Variants in AP1S3 observed in about 807,000 individuals in gnomAD.
AP1S3 encodes the protein AP-1 complex subunit sigma-3.
Under a neutral mutation model 20.9 loss-of-function variants are expected in AP1S3, and 10 were observed. The observed-to-expected ratio is 0.48, with a 90% CI of 0.29 to 0.81. The LOEUF is 0.81. Among genes scored for constraint, AP1S3 ranks in the 30% least tolerant of loss-of-function variants. The pLI, the probability that AP1S3 is intolerant of heterozygous loss-of-function variation, is 0.08. For synonymous variants in AP1S3, 41 were observed against 61.5 expected, an observed-to-expected ratio of 0.67 and a Z score of 1.56; for missense variants, 154 against 183.8, an observed-to-expected ratio of 0.84 and a Z score of 0.94.
chr2:223,757,185 G>T lies in AP1S3; in HGVS notation c.*1530C>A. 1.6e-5 allele frequency: 3 copies of T among 193,220 alleles called. No individual in the cohort carries two copies. The highest frequency in any genetic ancestry group is 2.8e-5 in the Non-Finnish European group (3 of 106,154). The allele number at this position is 193,220 out of a possible 1,614,324, so 12.0% of individuals were successfully genotyped here. ...TTTTGTTTGTTTGAGACGAAGTCTC[G>T]CTCTGTCGCCCAGGCTGGAGTGCAG... is the stretch of plus-strand genomic sequence containing the variant. On this transcript the variant is annotated 3_prime_UTR_variant, in exon 5 of 5. Transcript: ENST00000396654.
rs772625116 is a variant in AP1S3 at position 223,775,939 on chromosome 2, G to A, written c.253C>T (p.His85Tyr). The part of the protein sequence containing the change: ...DNELLTLEIV[H>Y]RYVELLDKYF... ...TTGTCCAGCAGCTCCACGTAACGAT[G>A]CACAATCTCTAGCGTCAAGAGCTCA... The change falls in exon 3 of 5, where the codon CAT becomes TAT. Residue 85 changes from histidine to tyrosine, a missense_variant. By Grantham distance (83) the His-to-Tyr change is moderately conservative. Transcript: ENST00000396654. 8 of 1,613,982 alleles carry A rather than the reference G, an allele frequency of 5.0e-6. No homozygotes were observed. The highest frequency in any genetic ancestry group is 6.8e-6 in the Non-Finnish European group (8 of 1,179,992).
intron 1 of AP1S3, among the ~76,000 whole-genome samples, chr2:223,808,530 C>T (rs115068236): frequency 0.015 from 2,265 of 152,250 alleles, 60 homozygotes; most frequent in African/African-American, 0.049. Flanking sequence ...TGTATCATTC[C>T]TAATTTTAAA....
intron 3 of AP1S3, among the ~76,000 whole-genome samples, chr2:223,771,843 A>G (rs1484773256): frequency 1.3e-5 from 2 of 152,272 alleles, no homozygotes; most frequent in African/African-American, 4.8e-5. Flanking sequence ...ACAGTGGCTC[A>G]CGCCTGTAAT....
intron 4 of AP1S3, among the ~76,000 whole-genome samples, chr2:223,764,724 A>G (rs1241022401): frequency 6.6e-6 from 1 of 152,204 alleles, no homozygotes; most frequent in African/African-American, 2.4e-5. Context: ...CAAAATAACA[A>G]TGTACTGCTA....
At chr2:223,780,472 T>C (rs1380717675) in intron 1 of AP1S3, among the ~76,000 whole-genome samples, 3 of 149,698 alleles carry the variant, frequency 2.0e-5, no homozygotes, top group African/African-American at 7.4e-5. Flanking sequence ...AGGTCTTCTT[T>C]TGGAGGGCAG....
chr2:223,760,325 G>A (rs890373797), intron 4 of AP1S3, among the ~76,000 whole-genome samples: 7 of 152,156 alleles, frequency 4.6e-5, no homozygotes, highest in Non-Finnish European at 4.4e-5. Flanking sequence ...CAGGAAATAC[G>A]CTGACTGACA....
In AP1S3 at chr2:223,757,815, G is replaced by A. The variant is rs557001440; in HGVS notation, c.*900C>T. 1 of 985,128 alleles carries A rather than the reference G, an allele frequency of 1.0e-6. No homozygotes were observed. Among genetic ancestry groups the A allele is most frequent in the East Asian group, 1.1e-4 (1 of 8,822 alleles). The allele number at this position is 985,128 out of a possible 1,614,324, so 61.0% of individuals were successfully genotyped here. ...TAAGCCATGTAATAAGTCTTCAAATGCATTAGAGATACATTAAAACATATT... is the reference window on the plus strand; with the variant it reads ...TAAGCCATGTAATAAGTCTTCAAATACATTAGAGATACATTAAAACATATT... On this transcript the variant is annotated 3_prime_UTR_variant, in exon 5 of 5. Coordinates refer to ENST00000396654, the MANE Select transcript of AP1S3 (RefSeq NM_001039569.2).
intron 1 of AP1S3, among the ~76,000 whole-genome samples, chr2:223,837,219 AGCCGCGGCGCCGCGGCGCCGCGTT>A (rs969302367): frequency 2.5e-4 from 37 of 150,702 alleles, no homozygotes; most frequent in Non-Finnish European, 4.1e-4. Context: ...GAATGAATGG[AGCCGCGGCGCCGCGGCGCCGCGTT>A]GCCGCAGGAA....
At chr2:223,804,856 A>G (rs939355292) in intron 1 of AP1S3, among the ~76,000 whole-genome samples, 4 of 152,242 alleles carry the variant, frequency 2.6e-5, no homozygotes, top group African/African-American at 9.6e-5. Context: ...ATCTACATTT[A>G]GGAAAAGACT....
At chr2:223,803,754 C>A (rs1417956947) in intron 1 of AP1S3, among the ~76,000 whole-genome samples, 1 of 151,868 alleles carries the variant, frequency 6.6e-6, no homozygotes, top group African/African-American at 2.4e-5. Context: ...GTGGCGGGAG[C>A]CTGTGGTCCC....
At chr2:223,783,630 G>C (rs76955440) in intron 1 of AP1S3, among the ~76,000 whole-genome samples, 2 of 152,208 alleles carry the variant, frequency 1.3e-5, no homozygotes, top group African/African-American at 2.4e-5. Context: ...CTTCCTTCTA[G>C]GTGAAGAGGA....
At position 223,794,984 on chromosome 2, in the gene AP1S3, C is replaced by CAGTG. The variant is rs1396878939; in HGVS notation, c.4-17119_4-17116dup. Among the ~76,000 whole-genome samples, 16 of 152,360 alleles carry CAGTG rather than the reference C, an allele frequency of 1.1e-4. No individual in the cohort carries two copies. In the East Asian group the frequency reaches 3.1e-3, roughly 29 times the overall value. On this transcript the variant is annotated intron_variant, in intron 1 of 4. Transcript: ENST00000396654. ...AAAAAGGCCATCTGCAGGCCAGGCG[C>CAGTG]AGTGGCTCACGCCCATAATCCCAAC...
At chr2:223,807,971 C>G (rs946126776) in intron 1 of AP1S3, among the ~76,000 whole-genome samples, 2 of 146,192 alleles carry the variant, frequency 1.4e-5, no homozygotes, top group African/African-American at 2.5e-5. Context: ...CTCACTGCAA[C>G]CTCCACCTCC....
intron 1 of AP1S3, among the ~76,000 whole-genome samples, chr2:223,810,237 G>A (rs1691690143): frequency 6.6e-6 from 1 of 152,110 alleles, no homozygotes; most frequent in Admixed American, 6.6e-5. Context: ...TGAAAATTTA[G>A]ACTAAGTGGC....
chr2:223,759,473 T>C (rs147852693), intron 4 of AP1S3, among the ~76,000 whole-genome samples: 272 of 152,316 alleles, frequency 1.8e-3, no homozygotes, highest in African/African-American at 6.3e-3. Context: ...CAGAGCATCT[T>C]TATTATACAT....
intron 1 of AP1S3, among the ~76,000 whole-genome samples, chr2:223,836,447 A>T (rs1692395389): frequency 6.6e-6 from 1 of 152,028 alleles, no homozygotes; most frequent in Admixed American, 6.6e-5. Context: ...CCACAGCCAA[A>T]CTGCACACCA....
intron 1 of AP1S3, among the ~76,000 whole-genome samples, chr2:223,797,572 GC>G (rs2106108104): frequency 6.6e-6 from 1 of 152,156 alleles, no homozygotes; most frequent in Admixed American, 6.6e-5. Context: ...GACCAGCCTG[GC>G]CAACATGGCA....
At chr2:223,825,518 G>A (rs1284753895) in intron 1 of AP1S3, among the ~76,000 whole-genome samples, 1 of 151,984 alleles carries the variant, frequency 6.6e-6, no homozygotes, top group Non-Finnish European at 1.5e-5. Context: ...CTCAGCCCCA[G>A]GCCTGTCTCT....
intron 1 of AP1S3, among the ~76,000 whole-genome samples, chr2:223,781,967 T>C (rs1427147860): frequency 6.6e-6 from 1 of 152,082 alleles, no homozygotes; most frequent in African/African-American, 2.4e-5. Context: ...CAAGTATCTT[T>C]GGAAGAATAA....
Sources: gnomAD v4.1 joint callset for allele counts (sites outside exome capture counted in the v4.1 genomes callset) on GRCh38, gnomAD v4.1.1 for gene constraint, MANE v1.5 for transcripts, NCBI Gene and HGNC (gene_info 2026-07-23, HGNC 2026-07-21) for gene names.